Variants in MELTF observed in about 807,000 individuals in gnomAD.
MELTF encodes the protein antigen p97 (melanoma associated) identified by monoclonal antibodies 133.2 and 96.5.
In MELTF, 67 loss-of-function variants were observed where a neutral mutation model predicts 83.7. That is an observed-to-expected ratio of 0.80 (90% CI 0.66 to 0.98). The LOEUF is 0.98. Ranked by LOEUF, MELTF falls within the 50% of genes least tolerant of loss-of-function variation. The pLI, the probability that MELTF is intolerant of heterozygous loss-of-function variation, is 0.00. For missense variants in MELTF, 1,002 were observed against 1,035.6 expected (o/e 0.97, Z 0.44); for synonymous variants, 462 against 447.6 (o/e 1.03, Z -0.41).
At chr3:197,021,892 C>T (rs954414556) in intron 5 of MELTF, among the ~76,000 whole-genome samples, 3 of 152,114 alleles carry the variant, frequency 2.0e-5, no homozygotes, top group African/African-American at 2.4e-5. Context: ...CTCACTGTGT[C>T]GCCCAGGCTG....
At chr3:197,014,665 T>C (rs1719298011) in intron 9 of MELTF, among the ~76,000 whole-genome samples, 1 of 152,138 alleles carries the variant, frequency 6.6e-6, no homozygotes, top group Non-Finnish European at 1.5e-5. Context: ...GCTGGGATTA[T>C]AGGTGTGAGC....
In MELTF at chr3:197,024,074, G is replaced by A. The variant is rs1281599819; in HGVS notation, c.487+229C>T. Among the ~76,000 whole-genome samples the A allele has an allele frequency of 6.7e-6, 1 of 150,188 alleles. No individual in the cohort carries two copies. Among genetic ancestry groups the A allele is most frequent in the Non-Finnish European group, 1.5e-5 (1 of 67,460 alleles). The stretch of plus-strand genomic sequence containing the variant: ...TGTGCCATGTGGGACACCACGATGC[G>A]TGAGCAAGAATCGCGCCCCACAGGG... On this transcript the variant is annotated intron_variant, in intron 4 of 15. Coordinates refer to ENST00000296350, the MANE Select transcript of MELTF (RefSeq NM_005929.6). This position sits in a 1 kb window ranked among gnomAD's most constrained non-coding sequence, Gnocchi z 5.3.
rs1264810926 is a variant in MELTF at position 197,022,871 on chromosome 3, C to T, written c.644+86G>A. On this transcript the variant is annotated intron_variant, in intron 5 of 15. Transcript: ENST00000296350. This position sits in a 1 kb window ranked among gnomAD's most constrained non-coding sequence, Gnocchi z 5.1. The stretch of plus-strand genomic sequence containing the variant: ...ACATGCCACTTCCCCCTCCACGGCC[C>T]TCTCTGGGCAAAGGTGTTTTTCCCC... 7.4e-7 allele frequency: 1 copy of T among 1,343,940 alleles called. No individual in the cohort carries two copies. The highest frequency in any genetic ancestry group is 1.0e-6 in the Non-Finnish European group (1 of 975,224). 83.3% of individuals were successfully genotyped at this position (1,343,940 alleles called of 1,614,324 possible).
chr3:197,009,039 C>T, intron 11 of MELTF, 74 bp from the exon 12 acceptor site: 4 of 1,563,992 alleles, frequency 2.6e-6, no homozygotes, highest in Non-Finnish European at 3.5e-6. Context: ...GGGCCGCTCC[C>T]CCACAGGTCT....
intron 1 of MELTF, 143 bp from the exon 2 acceptor site, chr3:197,028,053 GCACTAGGC>G: frequency 1.1e-6 from 1 of 913,390 alleles, no homozygotes; most frequent in South Asian, 1.7e-5. Flanking sequence ...CCACAGGGAG[GCACTAGGC>G]GCAGAGACAG....
chr3:197,019,475 C>A (rs942410396), intron 6 of MELTF: 1 of 1,465,986 alleles, frequency 6.8e-7, no homozygotes, highest in South Asian at 1.5e-5. Flanking sequence ...GCCAGGTGCA[C>A]GCCTGTCATC....
At chr3:197,026,569 A>ATC in intron 3 of MELTF, 91 bp downstream of exon 3, 1 of 1,148,848 alleles carries the variant, frequency 8.7e-7, no homozygotes, top group Non-Finnish European at 1.3e-6. Context: ...GACAGGGCTG[A>ATC]TGGCCAGCTC....
Position 197,003,837 on chromosome 3 carries a change from C to G in MELTF, c.2137+64G>C. 2 of 1,540,042 alleles carry G rather than the reference C, an allele frequency of 1.3e-6. No homozygotes were observed. Among genetic ancestry groups the G allele is most frequent in the South Asian group, 2.3e-5 (2 of 85,832 alleles). On this transcript the variant is annotated intron_variant, in intron 15 of 15. Transcript: ENST00000296350. This position sits in a 1 kb window ranked among gnomAD's most constrained non-coding sequence, Gnocchi z 6.2. ...GGACCCGCAGCGCCCCCCGCTCCCT[C>G]AGGGTTCTGGGGTGAAGGGGTCTGA...
Position 197,029,368 on chromosome 3 carries a change from A to G in MELTF, c.49+286T>C. On this transcript the variant is annotated intron_variant, in intron 1 of 15. Coordinates refer to ENST00000296350, the MANE Select transcript of MELTF (RefSeq NM_005929.6). This position sits in a 1 kb window ranked among gnomAD's most constrained non-coding sequence, Gnocchi z 6.5. ...GGCCGCCCTCCGGGAGCTCCTCTCC[A>G]CACCCCGAGGCCTCCCCACCACGCC... 2.8e-6 allele frequency: 1 copy of G among 354,914 alleles called. No homozygotes were observed. Among genetic ancestry groups the G allele is most frequent in the Non-Finnish European group, 5.0e-6 (1 of 198,340 alleles). 22.0% of individuals were successfully genotyped at this position (354,914 alleles called of 1,614,324 possible).
chr3:197,019,202 C>G (rs942441381), intron 6 of MELTF: 1 of 1,002,826 alleles, frequency 1.0e-6, no homozygotes, highest in Non-Finnish European at 1.2e-6. Context: ...TCCCAACTTT[C>G]CTGTTTTTCG....
intron 2 of MELTF, 113 bp from the exon 3 acceptor site, chr3:197,026,872 T>C: frequency 1.2e-6 from 1 of 802,014 alleles, no homozygotes; most frequent in Non-Finnish European, 2.1e-6. Flanking sequence ...AGGGCTGTGC[T>C]GTCCTTCTCA....
Position 197,006,746 on chromosome 3 carries a change from G to C in MELTF, c.1751-10C>G, listed in dbSNP as rs772514795. On this transcript the variant is annotated splice_polypyrimidine_tract_variant and intron_variant, in intron 13 of 15. Transcript: ENST00000296350. The surrounding 1 kb of genome is among the most constrained non-coding windows in gnomAD (Gnocchi z 5.4). ...GGCTCGGAATTGTGGCCTGAGGGGG[G>C]TAAAGCAGTGTGTGTGGGGACGTTC... 1.4e-5 allele frequency: 21 copies of C among 1,517,840 alleles called. No homozygotes were observed. The highest frequency in any genetic ancestry group is 1.8e-5 in the Non-Finnish European group (20 of 1,135,692). 94.0% of individuals were successfully genotyped at this position (1,517,840 alleles called of 1,614,324 possible).
Position 197,003,928 on chromosome 3 carries a change from T to C in MELTF, c.2110A>G (p.Met704Val). 1 of 1,613,858 alleles carries C rather than the reference T, an allele frequency of 6.2e-7. No individual in the cohort carries two copies. The highest frequency in any genetic ancestry group is 1.1e-5 in the South Asian group (1 of 91,080). ...GCGCCCGAGCACTGCTGAGACGACA[T>C]CCCTTCCAGCGCCGCCACGTAGTCC... is the stretch of plus-strand genomic sequence containing the variant. ...GLDYVAALEG[M>V]SSQQCSGAAA... The change falls in exon 15 of 16, where the codon ATG (methionine) becomes GTG (valine). Residue 704 changes from methionine to valine, a missense_variant. Met to Val is a conservative substitution (Grantham distance 21). Transcript: ENST00000296350. The surrounding 1 kb of genome is among the most constrained non-coding windows in gnomAD (Gnocchi z 6.2).
Position 197,024,585 on chromosome 3 carries a change from G to C in MELTF, c.305-100C>G. The C allele has an allele frequency of 9.4e-7, 1 of 1,066,804 alleles. No individual in the cohort carries two copies. The highest frequency in any genetic ancestry group is 1.3e-6 in the Non-Finnish European group (1 of 742,106). The allele number at this position is 1,066,804 out of a possible 1,614,324, so 66.1% of individuals were successfully genotyped here. A position where few individuals can be genotyped will look rare whatever the true frequency, so the allele number is the denominator to read the frequency against. The stretch of plus-strand genomic sequence containing the variant: ...CGGGCTGTGGGAGAGGTGTGTGCAC[G>C]GAGCACGGCTGTACACACGGATGTG... On this transcript the variant is annotated intron_variant, in intron 3 of 15. Transcript: ENST00000296350. The surrounding 1 kb of genome is among the most constrained non-coding windows in gnomAD (Gnocchi z 5.3).
At position 197,003,555 on chromosome 3, in the gene MELTF, C is replaced by T; in HGVS notation, c.2138-104G>A. 1.2e-6 allele frequency: 1 copy of T among 810,824 alleles called. No individual in the cohort carries two copies. Among genetic ancestry groups the T allele is most frequent in the Non-Finnish European group, 1.6e-6 (1 of 614,102 alleles). 50.2% of individuals were successfully genotyped at this position (810,824 alleles called of 1,614,324 possible). ...TGGGGGCATCTTTCGGGACCGAACT[C>T]GCCGCAGCCTCCCTCTTTGTGCTCC... On this transcript the variant is annotated intron_variant, in intron 15 of 15. Coordinates refer to ENST00000296350, the MANE Select transcript of MELTF (RefSeq NM_005929.6). This position sits in a 1 kb window ranked among gnomAD's most constrained non-coding sequence, Gnocchi z 6.2.
intron 9 of MELTF, 125 bp downstream of exon 9, chr3:197,015,240 C>G: frequency 2.5e-6 from 3 of 1,199,582 alleles, no homozygotes; most frequent in South Asian, 3.0e-5. Flanking sequence ...CCACCCGTCT[C>G]TGTGGGCTTG....
In MELTF at chr3:197,012,106, G is replaced by A. The variant is rs563871534; in HGVS notation, c.1234-1312C>T. Among the ~76,000 whole-genome samples, 3 of 152,362 alleles carry A rather than the reference G, an allele frequency of 2.0e-5. No homozygotes were observed. In the East Asian group the frequency reaches 5.8e-4, roughly 29 times the overall value. Reference sequence around the variant, plus strand: ...TCGCGCTCAGCTCTGCACAAGGACAGGCTTCTATCGGGCCTGCGGAAGCTC... The same window carrying A: ...TCGCGCTCAGCTCTGCACAAGGACAAGCTTCTATCGGGCCTGCGGAAGCTC... On this transcript the variant is annotated intron_variant, in intron 9 of 15. Transcript: ENST00000296350.
Position 197,006,794 on chromosome 3 carries a change from G to A in MELTF, c.1751-58C>T. The stretch of plus-strand genomic sequence containing the variant: ...TTCCGGGAGTGGAGAGAAGTGTAAA[G>A]AGAAGCTGCTATCCTGGGACCCCAA... On this transcript the variant is annotated intron_variant, in intron 13 of 15. Transcript: ENST00000296350. The surrounding 1 kb of genome is among the most constrained non-coding windows in gnomAD (Gnocchi z 5.4). The A allele has an allele frequency of 1.4e-6, 2 of 1,416,052 alleles. No homozygotes were observed. The highest frequency in any genetic ancestry group is 1.5e-5 in the African/African-American group (1 of 67,296). The allele number at this position is 1,416,052 out of a possible 1,614,324, so 87.7% of individuals were successfully genotyped here. A position where few individuals can be genotyped will look rare whatever the true frequency, so the allele number is the denominator to read the frequency against.
Position 197,024,487 on chromosome 3 carries a change from T to C in MELTF, c.305-2A>G. ...CGGCGTAATAGGAGGTACCGACCTCTAGGAGGGGAGGGGAGTGGGTGAGGG... is the reference window on the plus strand; with the variant it reads ...CGGCGTAATAGGAGGTACCGACCTCCAGGAGGGGAGGGGAGTGGGTGAGGG... On this transcript the variant is annotated splice_acceptor_variant, in intron 3 of 15. Transcript: ENST00000296350. LOFTEE classifies it high-confidence loss of function. The surrounding 1 kb of genome is among the most constrained non-coding windows in gnomAD (Gnocchi z 5.3). 6.4e-7 allele frequency: 1 copy of C among 1,569,772 alleles called. No individual in the cohort carries two copies. Among genetic ancestry groups the C allele is most frequent in the Non-Finnish European group, 8.7e-7 (1 of 1,150,018 alleles).
Sources: allele counts gnomAD v4.1 joint callset (sites outside exome capture counted in the v4.1 genomes callset), GRCh38; gene constraint gnomAD v4.1.1; non-coding constraint Gnocchi (gnomAD v3.1); transcripts MANE v1.5; gene names NCBI Gene and HGNC (gene_info 2026-07-23, HGNC 2026-07-21).